MMP28: variants seen among roughly 807,000 people sequenced by gnomAD.
The protein encoded by MMP28 is matrix metallopeptidase 28, also known as matrix metalloproteinase-28.
MMP28 carries 55 observed loss-of-function variants against 60.5 expected under a neutral mutation model. The observed-to-expected ratio is 0.91, with a 90% confidence interval of 0.73 to 1.14. MMP28 has a LOEUF of 1.14. Ranked by LOEUF, MMP28 falls within the 50% of genes most tolerant of loss-of-function variation. The pLI is 0.00. For missense variants in MMP28, 686 were observed against 738.3 expected, an observed-to-expected ratio of 0.93 and a Z score of 0.82; for synonymous variants, 318 against 312.5, an observed-to-expected ratio of 1.02 and a Z score of -0.18.
At chr17:35,789,132 G>A (rs1314587057) in intron 1 of MMP28, among the ~76,000 whole-genome samples, 1 of 152,206 alleles carries the variant, frequency 6.6e-6, no homozygotes, top group Non-Finnish European at 1.5e-5. Context: ...TGTGCACAGA[G>A]GGGACACAGA....
chr17:35,764,048 C>T (rs1379619211), downstream of MMP28: 6 of 1,549,256 alleles, frequency 3.9e-6, no homozygotes, highest in African/African-American at 1.4e-5. Context: ...GGAAGAGCTC[C>T]GGGCCGAGGA....
In MMP28 at chr17:35,766,781, G is replaced by T. The variant is rs367820262; in HGVS notation, c.1282C>A (p.Arg428Ser). 1.3e-6 allele frequency: 2 copies of T among 1,574,690 alleles called. No individual in the cohort carries two copies. Among genetic ancestry groups the T allele is most frequent in the African/African-American group, 2.7e-5 (2 of 74,108 alleles). ...GCACCCTTGAAGAGGATGAGGCGGC[G>T]CAGAGGAGGGAAGAAGAGGGCGGCG... ...PDAALFFPPL[R>S]RLILFKGARY... Residue 428 changes from arginine (R) to serine (S), a missense_variant, in exon 8 of 8, where the codon CGC (arginine) becomes AGC (serine). Transcript: ENST00000605424. This position sits in a 1 kb window ranked among gnomAD's most constrained non-coding sequence, Gnocchi z 4.3.
At chr17:35,771,734 TATATATATATATATATATATAA>T (rs1421671440) in intron 4 of MMP28, among the ~76,000 whole-genome samples, 6 of 89,372 alleles carry the variant, frequency 6.7e-5, no homozygotes, top group East Asian at 8.6e-4. Context: ...TATATATATA[TATATATATATATATATATATAA>T]AATTGTGTTC....
At chr17:35,782,980 C>T (rs1555609721) in intron 1 of MMP28, among the ~76,000 whole-genome samples, 1 of 152,182 alleles carries the variant, frequency 6.6e-6, no homozygotes, top group African/African-American at 2.4e-5. Context: ...GCACCTGCCA[C>T]GATGCCCGGC....
chr17:35,768,870 G>T (rs2086031336), intron 5 of MMP28, among the ~76,000 whole-genome samples: 1 of 152,166 alleles, frequency 6.6e-6, no homozygotes, highest in South Asian at 2.1e-4. Flanking sequence ...CTAAACTCAG[G>T]AATCTTCTTC....
chr17:35,790,464 T>C (rs535578045), intron 1 of MMP28, among the ~76,000 whole-genome samples: 192 of 152,318 alleles, frequency 1.3e-3, no homozygotes, highest in Admixed American at 1.3e-3. Context: ...GAAAAGAATG[T>C]GTATCTGGAG....
chr17:35,757,106 T>A (rs1345947568), intron 2 of MMP28: 1 of 151,726 alleles, frequency 6.6e-6, no homozygotes, highest in Non-Finnish European at 1.5e-5. Context: ...GAGGCAGAAT[T>A]AGCCACTGCA....
intron 5 of MMP28, 23 bp from the exon 6 acceptor site, chr17:35,768,402 G>C (rs1555604352): frequency 6.3e-7 from 1 of 1,575,196 alleles, no homozygotes; most frequent in South Asian, 1.1e-5. Context: ...GGAAATAAGA[G>C]AGAGAGAGAA....
In MMP28 at chr17:35,777,286, T is replaced by G. The variant is rs192611986; in HGVS notation, c.379+1602A>C. On this transcript the variant is annotated intron_variant, in intron 3 of 7. Coordinates refer to ENST00000605424, the MANE Select transcript of MMP28 (RefSeq NM_024302.5). Reference sequence around the variant, plus strand: ...ACTCGTAGCTCTCTGCTCTTCTACTTCACTCTTCCTCTCCATTGCCCAGAA... The same window carrying G: ...ACTCGTAGCTCTCTGCTCTTCTACTGCACTCTTCCTCTCCATTGCCCAGAA... 5.4e-3 allele frequency among the ~76,000 whole-genome samples: 824 copies of G among 152,318 alleles called. 4 individuals are homozygous for G. Among genetic ancestry groups the G allele is most frequent in the Admixed American group, 0.012 (176 of 15,296 alleles).
In MMP28 at chr17:35,766,357, G is replaced by A. The variant is rs2085937374; in HGVS notation, c.*143C>T. 6.3e-6 allele frequency: 9 copies of A among 1,423,618 alleles called. No individual in the cohort carries two copies. Among genetic ancestry groups the A allele is most frequent in the Non-Finnish European group, 8.2e-6 (9 of 1,091,594 alleles). The allele number at this position is 1,423,618 out of a possible 1,614,324, so 88.2% of individuals were successfully genotyped here. ...ATGCTGCATTCTTCAAGGAACAAAG[G>A]CAGACAGACTTCCAGATGGAGGCTT... On this transcript the variant is annotated 3_prime_UTR_variant, in exon 8 of 8. Transcript: ENST00000605424. This position sits in a 1 kb window ranked among gnomAD's most constrained non-coding sequence, Gnocchi z 4.3.
intron 2 of MMP28, among the ~76,000 whole-genome samples, chr17:35,758,848 G>A (rs782448607): frequency 6.6e-6 from 1 of 152,126 alleles, no homozygotes; most frequent in East Asian, 1.9e-4. Context: ...AGGATGGATG[G>A]CAAAGGGCTA....
At chr17:35,756,767 C>T (rs114652462) in intron 2 of MMP28, among the ~76,000 whole-genome samples, 280 of 152,146 alleles carry the variant, frequency 1.8e-3, no homozygotes, top group African/African-American at 5.9e-3. Context: ...TGCGCCCGGC[C>T]TATCTTTCTA....
Position 35,777,974 on chromosome 17 carries a change from G to A in MMP28, c.379+914C>T, listed in dbSNP as rs565517975. ...ACCCAGGAGGCGGAGGTTGCAGTGA[G>A]CTGAGATTGCGCCACTGACTCCAGC... On this transcript the variant is annotated intron_variant, in intron 3 of 7. Transcript: ENST00000605424. Among the ~76,000 whole-genome samples, 12 of 152,354 alleles carry A rather than the reference G, an allele frequency of 7.9e-5. No individual in the cohort carries two copies. In the East Asian group the frequency reaches 2.3e-3, roughly 29 times the overall value.
chr17:35,763,876 TAC>T, downstream of MMP28: 1 of 723,252 alleles, frequency 1.4e-6, no homozygotes, highest in African/African-American at 2.0e-5. Flanking sequence ...TAGCCTGAGC[TAC>T]AGAGAGAGAC....
intron 2 of MMP28, chr17:35,757,237 T>C (rs915597567): frequency 6.6e-6 from 1 of 152,172 alleles, no homozygotes; most frequent in African/African-American, 2.4e-5. Flanking sequence ...CTATACTCCA[T>C]GAGTCCCACT....
At chr17:35,786,093 G>A (rs1453510417) in intron 1 of MMP28, among the ~76,000 whole-genome samples, 1 of 128,202 alleles carries the variant, frequency 7.8e-6, no homozygotes, top group Non-Finnish European at 1.6e-5. Context: ...TTCGCTTCTT[G>A]TTGCCCAAGC....
Position 35,795,437 on chromosome 17 carries a change from A to C in MMP28, c.-60T>G. 8.0e-7 allele frequency: 1 copy of C among 1,257,478 alleles called. No homozygotes were observed. Among genetic ancestry groups the C allele is most frequent in the Non-Finnish European group, 1.0e-6 (1 of 973,150 alleles). 77.9% of individuals were successfully genotyped at this position (1,257,478 alleles called of 1,614,324 possible). A position where few individuals can be genotyped will look rare whatever the true frequency, so the allele number is the denominator to read the frequency against. On this transcript the variant is annotated 5_prime_UTR_variant, in exon 1 of 8. Coordinates refer to ENST00000605424, the MANE Select transcript of MMP28 (RefSeq NM_024302.5). ...TACTGCGCGCAGGGAACCAGCCGGC[A>C]GTCAGCCGCGCCCGGGACCCCGGGG...
intron 2 of MMP28, chr17:35,756,469 ATTTTTT>A: frequency 3.1e-5 from 26 of 848,946 alleles, no homozygotes; most frequent in South Asian, 5.5e-5. Context: ...TTCCTCTTTC[ATTTTTT>A]TTTTTTTTTT....
Position 35,795,461 on chromosome 17 carries a change from G to T in MMP28, c.-84C>A, listed in dbSNP as rs1351170873. 2.0e-6 allele frequency: 2 copies of T among 1,001,054 alleles called. No individual in the cohort carries two copies. Among genetic ancestry groups the T allele is most frequent in the Admixed American group, 4.1e-5 (1 of 24,544 alleles). 62.0% of individuals were successfully genotyped at this position (1,001,054 alleles called of 1,614,324 possible). ...CAGTCAGCCGCGCCCGGGACCCCGG[G>T]GATGGGACTGCTCTGCGCCGCCCCC... is the stretch of plus-strand genomic sequence containing the variant. On this transcript the variant is annotated 5_prime_UTR_variant, in exon 1 of 8. Transcript: ENST00000605424.
Sources: gnomAD v4.1 joint callset for allele counts (sites outside exome capture counted in the v4.1 genomes callset) on GRCh38, gnomAD v4.1.1 for gene constraint, Gnocchi (gnomAD v3.1) non-coding constraint, MANE v1.5 for transcripts, NCBI Gene and HGNC (gene_info 2026-07-23, HGNC 2026-07-21) for gene names.